ZFHX3: variants seen among roughly 807,000 people sequenced by gnomAD.
ZFHX3 encodes the protein zinc finger homeobox 3, also known as zinc finger homeobox protein 3.
Under a neutral mutation model 279.1 loss-of-function variants are expected in ZFHX3, and 42 were observed. That is an observed-to-expected ratio of 0.15 (90% CI 0.12 to 0.19). ZFHX3 has a LOEUF of 0.19. Ranked by LOEUF, ZFHX3 falls within the 10% of genes least tolerant of loss-of-function variation. The pLI is 1.00. For missense variants in ZFHX3, 4,981 were observed against 4,754.0 expected (o/e 1.05, Z -1.40); for synonymous variants, 2,293 against 1,957.8 (o/e 1.17, Z -4.52).
At chr16:73,844,168 G>A (rs754184854) in intron 1 of ZFHX3, among the ~76,000 whole-genome samples, 1 of 152,022 alleles carries the variant, frequency 6.6e-6, no homozygotes, top group Non-Finnish European at 1.5e-5. Flanking sequence ...AACAGGAGTG[G>A]CAACCACATG....
chr16:73,249,893 A>G (rs1270919101), intron 5 of ZFHX3, among the ~76,000 whole-genome samples: 1 of 152,048 alleles, frequency 6.6e-6, no homozygotes, highest in Non-Finnish European at 1.5e-5. Flanking sequence ...AATGCAAATT[A>G]AAATCATAAC....
rs1597259859 is a variant in ZFHX3, at chr16:73,281,030, G to GAGA, written c.-1193-23895_-1193-23894insTCT. Among the ~76,000 whole-genome samples, 186 of 133,172 alleles carry GAGA rather than the reference G, an allele frequency of 1.4e-3. 1 individual carries two copies. Among genetic ancestry groups the GAGA allele is most frequent in the African/African-American group, 4.6e-3 (155 of 33,814 alleles). 87.4% of individuals were successfully genotyped at this position (133,172 alleles called of 152,430 possible). A position where few individuals can be genotyped will look rare whatever the true frequency, so the allele number is the denominator to read the frequency against. On this transcript the variant is annotated intron_variant, in intron 4 of 17. Transcript: ENST00000641206. ...GAAGGGAAAGGAGAGGAGAGGAGAG[G>GAGA]GGAGGGGAGGGGAGGGGAGGGGAGG...
In ZFHX3 at chr16:72,796,461, G is replaced by C. The variant is rs137912490; in HGVS notation, c.6221C>G (p.Pro2074Arg). 5.6e-6 allele frequency: 9 copies of C among 1,608,918 alleles called. No individual in the cohort carries two copies. The highest frequency in any genetic ancestry group is 7.6e-6 in the Non-Finnish European group (9 of 1,179,928). The change falls in exon 9 of 10, where the codon CCT (proline) becomes CGT (arginine). Residue 2074 changes from proline to arginine, a missense_variant. By Grantham distance (103) the Pro-to-Arg change is moderately radical. This residue lies in a region of ZFHX3 where 1,751 missense variants were observed against 1,770.0 expected (regional missense o/e 0.99). Transcript: ENST00000268489. Reference protein sequence around the residue: ...IPASAPPITSPTIAPAQPSVP... With the variant: ...IPASAPPITSRTIAPAQPSVP... ...TGATGGCTGGGCCGGTGCAATTGTAGGTGAGGTGATGGGTGGGGCTGATGC... is the reference window on the plus strand; with the variant it reads ...TGATGGCTGGGCCGGTGCAATTGTACGTGAGGTGATGGGTGGGGCTGATGC...
chr16:73,569,268 C>T (rs1488377884), intron 2 of ZFHX3, among the ~76,000 whole-genome samples: 1 of 152,116 alleles, frequency 6.6e-6, no homozygotes, highest in Non-Finnish European at 1.5e-5. Flanking sequence ...CTTCCGTGGG[C>T]TGTGGATCCT....
chr16:72,895,292 G>A (rs988103337), intron 3 of ZFHX3, among the ~76,000 whole-genome samples: 13 of 152,100 alleles, frequency 8.5e-5, no homozygotes, highest in East Asian at 3.9e-4. Flanking sequence ...TATACTTCCC[G>A]GAATACTATA....
At chr16:73,695,323 C>T (rs1251865545) in intron 1 of ZFHX3, among the ~76,000 whole-genome samples, 2 of 151,298 alleles carry the variant, frequency 1.3e-5, no homozygotes, top group African/African-American at 4.9e-5. Flanking sequence ...GCAACCTCCA[C>T]CTCCCCGGGT....
intron 3 of ZFHX3, among the ~76,000 whole-genome samples, chr16:73,445,125 ACTGT>A (rs2018160220): frequency 3.3e-5 from 5 of 151,986 alleles, no homozygotes; most frequent in Admixed American, 2.6e-4. Flanking sequence ...ACAGAACGAG[ACTGT>A]CTGAAAAATT....
At chr16:72,829,487 C>G (rs1380272365) in intron 5 of ZFHX3, 2 of 369,734 alleles carry the variant, frequency 5.4e-6, no homozygotes, top group Non-Finnish European at 9.8e-6. Context: ...ACCCAGATGC[C>G]CTTGCACACA....
intron 1 of ZFHX3, among the ~76,000 whole-genome samples, chr16:73,042,157 G>C (rs940625343): frequency 6.6e-6 from 1 of 152,194 alleles, no homozygotes; most frequent in African/African-American, 2.4e-5. Context: ...AAGGGAGACA[G>C]ACTTCCATAT....
At chr16:73,358,571 T>C (rs543020558) in intron 3 of ZFHX3, among the ~76,000 whole-genome samples, 139 of 152,352 alleles carry the variant, frequency 9.1e-4, no homozygotes, top group African/African-American at 3.2e-3. Context: ...CCCAGATTCC[T>C]GCCCTGTAGA....
chr16:73,138,394 G>A (rs969780403), intron 6 of ZFHX3, among the ~76,000 whole-genome samples: 5 of 152,104 alleles, frequency 3.3e-5, no homozygotes, highest in African/African-American at 1.2e-4. Context: ...ACCCGCTGAC[G>A]GTCAGAGGGT....
intron 7 of ZFHX3, among the ~76,000 whole-genome samples, chr16:73,095,115 G>C (rs1405661274): frequency 6.6e-6 from 1 of 152,004 alleles, no homozygotes; most frequent in Admixed American, 6.6e-5. Flanking sequence ...ATAGAGACAA[G>C]GGTCTTGCTG....
chr16:73,595,347 T>C (rs1348232054), intron 2 of ZFHX3, among the ~76,000 whole-genome samples: 2 of 152,234 alleles, frequency 1.3e-5, no homozygotes, highest in African/African-American at 4.8e-5. Context: ...GCTTGCTTGC[T>C]AAATCCAATG....
At chr16:73,049,800 A>G (rs1179643419), upstream of ZFHX3, among the ~76,000 whole-genome samples, 3 of 152,204 alleles carry the variant, frequency 2.0e-5, no homozygotes, top group Non-Finnish European at 2.9e-5. Flanking sequence ...CTTCCAGACC[A>G]CCTGACTTCA....
intron 7 of ZFHX3, chr16:73,127,403 G>T (rs1337258112): frequency 1.5e-5 from 20 of 1,305,326 alleles, no homozygotes; most frequent in Non-Finnish European, 4.0e-6. Flanking sequence ...TTTGGGGCCA[G>T]AGCCTTCCCA....
chr16:72,882,166 T>G (rs935828948), intron 4 of ZFHX3, among the ~76,000 whole-genome samples: 2 of 103,164 alleles, frequency 1.9e-5, no homozygotes, highest in African/African-American at 4.1e-5. Context: ...CAGGTACCCC[T>G]TTTTCCTTTT....
At position 72,829,812 on chromosome 16, in the gene ZFHX3, G is replaced by A; in HGVS notation, c.3496C>T (p.Pro1166Ser). The change falls in exon 5 of 10, where the codon CCA (proline) becomes TCA (serine). Residue 1166 changes from proline (P) to serine (S), a missense_variant. Pro to Ser is a moderately conservative substitution (Grantham distance 74). Around this residue, in one of 7 missense-constraint regions of ZFHX3, gnomAD observed 1,751 missense variants for 1,770.0 expected, o/e 0.99. Transcript: ENST00000268489. ...TCTTGGTCCTTAGCAAGCTCCTCTGGATCAGCAGCTGTTTCACTGGGTCCT... is the reference window on the plus strand; with the variant it reads ...TCTTGGTCCTTAGCAAGCTCCTCTGAATCAGCAGCTGTTTCACTGGGTCCT... ...VEGPSETAAD[P>S]EELAKDQEGG... The A allele has an allele frequency of 6.2e-7, 1 of 1,614,166 alleles. No individual in the cohort carries two copies. The highest frequency in any genetic ancestry group is 1.1e-5 in the South Asian group (1 of 91,068).
intron 8 of ZFHX3, among the ~76,000 whole-genome samples, chr16:73,089,231 G>A (rs560311929): frequency 1.3e-5 from 2 of 152,176 alleles, no homozygotes; most frequent in South Asian, 4.2e-4. Flanking sequence ...AGCCTCCCGA[G>A]TAGCTGGGAT....
chr16:72,958,579 G>C lies in ZFHX3; in HGVS notation c.1567C>G (p.Leu523Val). Residue 523 changes from leucine to valine, a missense_variant, in exon 2 of 10, where the codon CTT becomes GTT. Leu to Val is a conservative substitution (Grantham distance 32). Coordinates refer to ENST00000268489, the MANE Select transcript of ZFHX3 (RefSeq NM_006885.4). ...GAAATGCTTTGGTTTGAGAGAGCAAGGTCCTTTTTGCTGCTACTACCTGCT... is the reference window on the plus strand; with the variant it reads ...GAAATGCTTTGGTTTGAGAGAGCAACGTCCTTTTTGCTGCTACTACCTGCT... ...AAAGSSSKKDLALSNQSISNS... is the reference protein window; with the variant it reads ...AAAGSSSKKDVALSNQSISNS... 6.2e-7 allele frequency: 1 copy of C among 1,614,156 alleles called. No individual in the cohort carries two copies. The highest frequency in any genetic ancestry group is 8.5e-7 in the Non-Finnish European group (1 of 1,180,038).
Sources: gnomAD v4.1 joint callset for allele counts (sites outside exome capture counted in the v4.1 genomes callset) on GRCh38, gnomAD v4.1.1 for gene constraint, gnomAD v4.1.1 regional missense constraint, MANE v1.5 for transcripts, NCBI Gene and HGNC (gene_info 2026-07-23, HGNC 2026-07-21) for gene names.